FNDC3B: variants seen among roughly 807,000 people sequenced by gnomAD.
The protein encoded by FNDC3B is fibronectin type III domain-containing protein 3B.
A neutral mutation model predicts 151.5 loss-of-function variants in FNDC3B; 12 were observed. That is an observed-to-expected ratio of 0.08 (90% CI 0.05 to 0.13). The LOEUF (loss-of-function observed/expected upper bound fraction) is 0.13. Ranked by LOEUF, FNDC3B falls within the 10% of genes least tolerant of loss-of-function variation. FNDC3B has a pLI of 1.00. For missense variants in FNDC3B, 1,214 were observed against 1,505.3 expected (o/e 0.81, Z 3.20); for synonymous variants, 528 against 549.0 (o/e 0.96, Z 0.54).
At chr3:172,244,889 G>A (rs1727699303) in intron 4 of FNDC3B, among the ~76,000 whole-genome samples, 1 of 151,924 alleles carries the variant, frequency 6.6e-6, no homozygotes, top group South Asian at 2.1e-4. Context: ...GCCTCCCAAA[G>A]TACTGGGATT....
Position 172,397,506 on chromosome 3 carries a change from C to A in FNDC3B, c.*31C>A. ...ACAAAACTAGAGGTATGAATTAATG[C>A]TACACATTTTAATACACACATTTAT... On this transcript the variant is annotated 3_prime_UTR_variant, in exon 26 of 26. Transcript: ENST00000415807. 2 of 1,394,418 alleles carry A rather than the reference C, an allele frequency of 1.4e-6. No homozygotes were observed. The highest frequency in any genetic ancestry group is 2.0e-6 in the Non-Finnish European group (2 of 1,020,398). The allele number at this position is 1,394,418 out of a possible 1,614,324, so 86.4% of individuals were successfully genotyped here.
chr3:172,394,238 G>C (rs1337067557), intron 25 of FNDC3B, among the ~76,000 whole-genome samples: 1 of 151,596 alleles, frequency 6.6e-6, no homozygotes. Flanking sequence ...TCACGGAACT[G>C]GGGGGAGGGA....
chr3:172,281,215 A>T (rs4894538), intron 6 of FNDC3B, among the ~76,000 whole-genome samples: 25,231 of 132,558 alleles, frequency 0.19, 2,526 homozygotes, highest in East Asian at 0.31. Context: ...ATTATTATTT[A>T]TATTTATTTA....
At chr3:172,265,234 A>T (rs915547742) in intron 6 of FNDC3B, among the ~76,000 whole-genome samples, 2 of 152,234 alleles carry the variant, frequency 1.3e-5, no homozygotes, top group Non-Finnish European at 2.9e-5. Flanking sequence ...GATAATTAAT[A>T]GGTATCTATA....
chr3:172,339,345 G>A (rs1183527582), intron 16 of FNDC3B, among the ~76,000 whole-genome samples: 2 of 151,978 alleles, frequency 1.3e-5, no homozygotes, highest in South Asian at 2.1e-4. Flanking sequence ...GGTGGATCAC[G>A]AGGTCAGGAG....
At chr3:172,229,080 AAGAAAC>A (rs1490439147) in intron 4 of FNDC3B, among the ~76,000 whole-genome samples, 9 of 122,438 alleles carry the variant, frequency 7.4e-5, no homozygotes, top group African/African-American at 2.7e-4. Context: ...TGTAGAAAGA[AAGAAAC>A]ACACACACAC....
At chr3:172,066,632 C>A (rs149519239) in intron 1 of FNDC3B, among the ~76,000 whole-genome samples, 215 of 152,294 alleles carry the variant, frequency 1.4e-3, no homozygotes, top group African/African-American at 5.0e-3. Context: ...CCTGGATCTA[C>A]GTGCTGCTGT....
intron 13 of FNDC3B, among the ~76,000 whole-genome samples, chr3:172,331,021 A>G (rs139104718): frequency 3.3e-5 from 5 of 152,174 alleles, no homozygotes; most frequent in Admixed American, 6.5e-5. Flanking sequence ...CACAGCTACT[A>G]TCCTTTTATG....
At chr3:172,115,263 G>A (rs145817400) in intron 2 of FNDC3B, among the ~76,000 whole-genome samples, 2 of 152,184 alleles carry the variant, frequency 1.3e-5, no homozygotes, top group African/African-American at 2.4e-5. Flanking sequence ...CCTGTGGGTT[G>A]AACCCAGGTG....
chr3:172,243,565 C>CCATCATGAGAAATCACCATCAT (rs1727610832), intron 4 of FNDC3B, among the ~76,000 whole-genome samples: 1 of 152,078 alleles, frequency 6.6e-6, no homozygotes, highest in African/African-American at 2.4e-5. Context: ...GAGAACAGCA[C>CCATCATGAGAAATCACCATCAT]GGGAAAGACT....
chr3:172,396,530 G>C (rs1475662611), intron 25 of FNDC3B, among the ~76,000 whole-genome samples: 1 of 151,980 alleles, frequency 6.6e-6, no homozygotes, highest in Non-Finnish European at 1.5e-5. Context: ...CTAAATCAGG[G>C]GTCCCCAACC....
At chr3:172,156,444 A>G (rs1559992665) in intron 3 of FNDC3B, among the ~76,000 whole-genome samples, 1 of 152,216 alleles carries the variant, frequency 6.6e-6, no homozygotes, top group Non-Finnish European at 1.5e-5. Flanking sequence ...TGCGCAAGAC[A>G]TAGCCAGGCA....
chr3:172,305,118 C>T (rs915728125), intron 9 of FNDC3B, among the ~76,000 whole-genome samples: 1 of 152,064 alleles, frequency 6.6e-6, no homozygotes, highest in Non-Finnish European at 1.5e-5. Flanking sequence ...CCTCATTGTC[C>T]TCACTTACCT....
chr3:172,232,633 A>G (rs187739463), intron 4 of FNDC3B, among the ~76,000 whole-genome samples: 14 of 152,316 alleles, frequency 9.2e-5, no homozygotes, highest in Non-Finnish European at 1.5e-5. Context: ...CTTGAGAGAA[A>G]ATATAGACCT....
At chr3:172,188,922 T>C (rs1216288264) in intron 3 of FNDC3B, among the ~76,000 whole-genome samples, 1 of 152,224 alleles carries the variant, frequency 6.6e-6, no homozygotes, top group Admixed American at 6.5e-5. Context: ...TTGTACTCAA[T>C]TACATAATTT....
chr3:172,140,489 C>A (rs751457810), intron 3 of FNDC3B, among the ~76,000 whole-genome samples: 4 of 152,294 alleles, frequency 2.6e-5, no homozygotes, highest in Non-Finnish European at 1.5e-5. Context: ...TCAACATGGA[C>A]TGATGCACAG....
intron 4 of FNDC3B, among the ~76,000 whole-genome samples, chr3:172,231,805 G>A (rs903961324): frequency 7.9e-5 from 12 of 151,154 alleles, no homozygotes; most frequent in Admixed American, 5.3e-4. Context: ...GAGTGTGGGT[G>A]TGTGTTGTGC....
At chr3:172,218,497 A>G (rs183136994) in intron 3 of FNDC3B, among the ~76,000 whole-genome samples, 1 of 152,342 alleles carries the variant, frequency 6.6e-6, no homozygotes, top group Admixed American at 6.5e-5. Context: ...TGTGTAACTC[A>G]TTTGGCCTCT....
chr3:172,330,453 G>T (rs1732587187), intron 12 of FNDC3B, 88 bp from the exon 13 acceptor site: 2 of 1,163,016 alleles, frequency 1.7e-6, no homozygotes, highest in South Asian at 3.0e-5. Context: ...GGCTGAGTTG[G>T]GTAGTGTGCA....
Sources: gnomAD v4.1 joint callset for allele counts (sites outside exome capture counted in the v4.1 genomes callset) on GRCh38, gnomAD v4.1.1 for gene constraint, MANE v1.5 for transcripts, NCBI Gene and HGNC (gene_info 2026-07-23, HGNC 2026-07-21) for gene names.